JAM3: variants seen among roughly 807,000 people sequenced by gnomAD.
JAM3 encodes the protein junctional adhesion molecule C.
In JAM3, 31 loss-of-function variants were observed where a neutral mutation model predicts 39.4. The observed-to-expected ratio is 0.79, with a 90% CI of 0.59 to 1.06. The LOEUF (loss-of-function observed/expected upper bound fraction) is 1.06, where lower values mean the gene tolerates loss of function less well. JAM3 is among the 50% of genes least tolerant of loss of function. The pLI is 0.00. For missense variants in JAM3, 455 were observed against 391.4 expected, an observed-to-expected ratio of 1.16 and a Z score of -1.37; for synonymous variants, 182 against 148.7, an observed-to-expected ratio of 1.22 and a Z score of -1.63.
intron 1 of JAM3, among the ~76,000 whole-genome samples, chr11:134,104,928 C>T (rs568021631): frequency 6.6e-6 from 1 of 152,160 alleles, no homozygotes; most frequent in East Asian, 1.9e-4. Context: ...ACCAGAGGTA[C>T]AAGCAGGAGC....
chr11:134,140,908 T>C (rs776342483), intron 3 of JAM3, 138 bp downstream of exon 3: 486 of 1,149,306 alleles, frequency 4.2e-4, no homozygotes, highest in Non-Finnish European at 5.2e-4. Flanking sequence ...TAAAGATTTA[T>C]AATTATGGAA....
At chr11:134,128,285 G>T (rs762683053) in intron 1 of JAM3, among the ~76,000 whole-genome samples, 2 of 152,144 alleles carry the variant, frequency 1.3e-5, no homozygotes, top group Non-Finnish European at 2.9e-5. Context: ...CCTGGGAGTG[G>T]ACCCCAGAGT....
In JAM3 at chr11:134,150,107, A is replaced by T. The variant is rs1402106850; in HGVS notation, c.*926A>T. 1 of 154,890 alleles carries T rather than the reference A, an allele frequency of 6.5e-6. No homozygotes were observed. Among genetic ancestry groups the T allele is most frequent in the African/African-American group, 2.4e-5 (1 of 41,462 alleles). 9.6% of individuals were successfully genotyped at this position (154,890 alleles called of 1,614,324 possible). Reference sequence around the variant, plus strand: ...ATCAATAATTAAGAGTATTTTACCCAAGGAATCCTCTCATGGAAGTTTACT... The same window carrying T: ...ATCAATAATTAAGAGTATTTTACCCTAGGAATCCTCTCATGGAAGTTTACT... On this transcript the variant is annotated 3_prime_UTR_variant, in exon 9 of 9. Coordinates refer to ENST00000299106, the MANE Select transcript of JAM3 (RefSeq NM_032801.5).
chr11:134,109,505 C>G (rs1305055795), intron 1 of JAM3, among the ~76,000 whole-genome samples: 1 of 152,204 alleles, frequency 6.6e-6, no homozygotes, highest in Non-Finnish European at 1.5e-5. Context: ...CCACATCCAT[C>G]CATTTACTTA....
chr11:134,091,724 A>G (rs1365130950), intron 1 of JAM3, among the ~76,000 whole-genome samples: 4 of 151,982 alleles, frequency 2.6e-5, no homozygotes, highest in Non-Finnish European at 4.4e-5. Context: ...TTTATAGCCG[A>G]CTAAGTCTGG....
chr11:134,120,230 G>T lies in JAM3; in HGVS notation c.77-19621G>T, dbSNP rs543017052. On this transcript the variant is annotated intron_variant, in intron 1 of 8. Transcript: ENST00000299106. ...TCTCCACTAGAAAGCCTGCGCTGCC[G>T]TTGTATGTTTAGGCTTGAGCCTCAG... Among the ~76,000 whole-genome samples, 3 of 152,366 alleles carry T rather than the reference G, an allele frequency of 2.0e-5. No homozygotes were observed. The East Asian group carries it at 5.8e-4, about 29-fold the overall frequency.
intron 1 of JAM3, among the ~76,000 whole-genome samples, chr11:134,121,980 T>A (rs1334084404): frequency 6.6e-6 from 1 of 152,216 alleles, no homozygotes; most frequent in Non-Finnish European, 1.5e-5. Flanking sequence ...TGAGTCTATA[T>A]TAATGGAATC....
intron 3 of JAM3, among the ~76,000 whole-genome samples, chr11:134,142,202 G>T (rs1421550788): frequency 1.3e-5 from 2 of 152,156 alleles, no homozygotes. Context: ...ACAGGGATGG[G>T]GAGGCCGAGG....
chr11:134,085,269 A>G (rs1941729542), intron 1 of JAM3, among the ~76,000 whole-genome samples: 2 of 152,232 alleles, frequency 1.3e-5, no homozygotes, highest in South Asian at 4.1e-4. Context: ...ATTTGCAATA[A>G]TGAATTATGA....
intron 1 of JAM3, chr11:134,123,846 T>G: frequency 1.3e-6 from 1 of 799,042 alleles, no homozygotes; most frequent in Middle Eastern, 3.6e-4. Context: ...GCAGTGCCCG[T>G]TGGTATCTCT....
At chr11:134,118,316 G>C (rs1193381921) in intron 1 of JAM3, among the ~76,000 whole-genome samples, 1 of 152,100 alleles carries the variant, frequency 6.6e-6, no homozygotes, top group Non-Finnish European at 1.5e-5. Flanking sequence ...GTTAGAAAAA[G>C]TAACAGTGCC....
intron 1 of JAM3, among the ~76,000 whole-genome samples, chr11:134,107,089 C>A (rs1358664638): frequency 6.6e-6 from 1 of 152,186 alleles, no homozygotes; most frequent in Non-Finnish European, 1.5e-5. Flanking sequence ...ACCCAAATGT[C>A]CATCAATGAT....
chr11:134,090,071 A>AT (rs1190478841), intron 1 of JAM3, among the ~76,000 whole-genome samples: 1 of 152,078 alleles, frequency 6.6e-6, no homozygotes, highest in Non-Finnish European at 1.5e-5. Context: ...GATGATGAGC[A>AT]TTTTTTCATG....
Position 134,144,807 on chromosome 11 carries a change from C to G in JAM3, c.425C>G (p.Pro142Arg), listed in dbSNP as rs773659895. 1 of 1,614,112 alleles carries G rather than the reference C, an allele frequency of 6.2e-7. No individual in the cohort carries two copies. The highest frequency in any genetic ancestry group is 2.2e-5 in the East Asian group (1 of 44,872). The change falls in exon 5 of 9, where the codon CCT becomes CGT. Residue 142 changes from proline to arginine, a missense_variant. Physicochemically the swap from Pro to Arg is moderately radical, Grantham distance 103. Transcript: ENST00000299106. ...ELTVQVKPVTPVCRVPKAVPV... is the reference protein window; with the variant it reads ...ELTVQVKPVTRVCRVPKAVPV... ...TTCCCCACAGTGAAGCCAGTGACCCCTGTCTGTAGAGTGCCGAAGGCTGTA... is the reference window on the plus strand; with the variant it reads ...TTCCCCACAGTGAAGCCAGTGACCCGTGTCTGTAGAGTGCCGAAGGCTGTA...
At chr11:134,133,265 C>G (rs890676298) in intron 1 of JAM3, among the ~76,000 whole-genome samples, 3 of 152,122 alleles carry the variant, frequency 2.0e-5, no homozygotes, top group African/African-American at 7.2e-5. Flanking sequence ...ACTTCCTTTC[C>G]AACTTCGATT....
chr11:134,148,776 A>C lies in JAM3; in HGVS notation c.855A>C (p.Pro285=). 1 of 1,614,190 alleles carries C rather than the reference A, an allele frequency of 6.2e-7. No homozygotes were observed. The highest frequency in any genetic ancestry group is 8.5e-7 in the Non-Finnish European group (1 of 1,180,024). Residue 285 remains proline, a synonymous_variant, in exon 8 of 9, where the codon CCA becomes CCC. Coordinates refer to ENST00000299106, the MANE Select transcript of JAM3 (RefSeq NM_032801.5). ...CTTCTCCTCATAGTTACAAGAACCC[A>C]GGGAAACCAGATGGAGTTAACTACA... ...NKQDGESYKN[P]GKPDGVNYIR...
intron 5 of JAM3, chr11:134,145,214 G>A (rs895215396): frequency 1.7e-6 from 1 of 595,630 alleles, no homozygotes; most frequent in African/African-American, 1.9e-5. Context: ...ACCATAGATT[G>A]AGACCGAAGA....
Position 134,149,462 on chromosome 11 carries a change from A to C in JAM3, c.*281A>C. Reference sequence around the variant, plus strand: ...AATCTGTTTCTGGCCTGATTCCCGCATGAGTATTAGGGTGATCTTAAAGAG... The same window carrying C: ...AATCTGTTTCTGGCCTGATTCCCGCCTGAGTATTAGGGTGATCTTAAAGAG... On this transcript the variant is annotated 3_prime_UTR_variant, in exon 9 of 9. Coordinates refer to ENST00000299106, the MANE Select transcript of JAM3 (RefSeq NM_032801.5). 1 of 575,556 alleles carries C rather than the reference A, an allele frequency of 1.7e-6. No homozygotes were observed. Among genetic ancestry groups the C allele is most frequent in the Non-Finnish European group, 3.1e-6 (1 of 319,534 alleles). 35.7% of individuals were successfully genotyped at this position (575,556 alleles called of 1,614,324 possible).
At chr11:134,116,852 T>C (rs1407221909) in intron 1 of JAM3, among the ~76,000 whole-genome samples, 2 of 152,188 alleles carry the variant, frequency 1.3e-5, no homozygotes, top group Non-Finnish European at 2.9e-5. Context: ...TTTATAGTGG[T>C]ATGTCTGACT....
Sources: allele counts gnomAD v4.1 joint callset (sites outside exome capture counted in the v4.1 genomes callset), GRCh38; gene constraint gnomAD v4.1.1; transcripts MANE v1.5; gene names NCBI Gene and HGNC (gene_info 2026-07-23, HGNC 2026-07-21).